The following RBBP5 variants were observed in gnomAD, a reference collection of about 807,000 sequenced individuals.
RBBP5 encodes retinoblastoma-binding protein 5.
A neutral mutation model predicts 72.2 loss-of-function variants in RBBP5; 5 were observed. The ratio of observed to expected loss-of-function variants is 0.07; its 90% CI spans 0.04 to 0.15. The LOEUF (loss-of-function observed/expected upper bound fraction) is 0.15, where lower values mean the gene tolerates loss of function less well. Ranked by LOEUF, RBBP5 falls within the 10% of genes least tolerant of loss-of-function variation. The probability of loss-of-function intolerance (pLI) is 1.00; values close to 1 mark genes in which losing one functional copy is unlikely to be tolerated. For synonymous variants in RBBP5, 209 were observed against 237.2 expected (o/e 0.88, Z 1.09); for missense variants, 322 against 652.2 (o/e 0.49, Z 5.51).
chr1:205,116,624 G>A (rs1656534190), intron 1 of RBBP5, among the ~76,000 whole-genome samples: 1 of 152,178 alleles, frequency 6.6e-6, no homozygotes, highest in African/African-American at 2.4e-5. Context: ...GACCGGCCTA[G>A]CCAAAATGGT....
chr1:205,104,846 G>C, intron 4 of RBBP5, among the ~76,000 whole-genome samples, 182 bp downstream of exon 4: 1 of 150,784 alleles, frequency 6.6e-6, no homozygotes, highest in East Asian at 1.9e-4. Context: ...TCAAAAAAAA[G>C]AAAGAAAGAA....
intron 12 of RBBP5, among the ~76,000 whole-genome samples, chr1:205,095,409 T>C (rs1229214225): frequency 1.3e-5 from 2 of 152,184 alleles, no homozygotes; most frequent in African/African-American, 4.8e-5. Context: ...CAGCTATCAT[T>C]ACTGTTAGTG....
chr1:205,115,484 A>G (rs1656483262), intron 2 of RBBP5, among the ~76,000 whole-genome samples: 1 of 152,226 alleles, frequency 6.6e-6, no homozygotes, highest in Non-Finnish European at 1.5e-5. Context: ...GTGTTATAAA[A>G]TAGTTTTACA....
chr1:205,121,738 C>T (rs1030126413), intron 1 of RBBP5, 117 bp downstream of exon 1: 1 of 1,510,770 alleles, frequency 6.6e-7, no homozygotes, highest in Non-Finnish European at 9.1e-7. Context: ...TCAGGTGTGC[C>T]CAGTGATCCA....
intron 6 of RBBP5, 79 bp from the exon 7 acceptor site, chr1:205,100,350 G>A (rs1655770968): frequency 2.0e-6 from 3 of 1,512,248 alleles, no homozygotes; most frequent in East Asian, 2.3e-5. Context: ...ATAAACTAGG[G>A]AAGAATTGAG....
In RBBP5 at chr1:205,088,132, GAGGAAAACAA is replaced by G. The variant is rs912733882; in HGVS notation, c.*645_*654del. ...AATATTGGAGGGAAACATGCAATGAGAGGAAAACAAGGGAAAACCCTGAATTGTTACAGCC... is the reference window on the plus strand; with the variant it reads ...AATATTGGAGGGAAACATGCAATGAGGGGAAAACCCTGAATTGTTACAGCC... On this transcript the variant is annotated 3_prime_UTR_variant, in exon 14 of 14. Coordinates refer to ENST00000264515, the MANE Select transcript of RBBP5 (RefSeq NM_005057.4). 1.3e-5 allele frequency: 2 copies of G among 152,252 alleles called. No individual in the cohort carries two copies. The highest frequency in any genetic ancestry group is 4.8e-5 in the African/African-American group (2 of 41,462). The allele number at this position is 152,252 out of a possible 1,614,324, so 9.4% of individuals were successfully genotyped here.
In RBBP5 at chr1:205,099,902, T is replaced by G; in HGVS notation, c.906+9A>C. On this transcript the variant is annotated intron_variant, in intron 8 of 13. Coordinates refer to ENST00000264515, the MANE Select transcript of RBBP5 (RefSeq NM_005057.4). The surrounding 1 kb of genome is among the most constrained non-coding windows in gnomAD (Gnocchi z 4.7). ...GTGACTAACAAAAGCAATGTCCTAA[T>G]GTACTCACAGCTACATCCAAGAGGA... 1 of 1,614,092 alleles carries G rather than the reference T, an allele frequency of 6.2e-7. No individual in the cohort carries two copies. The highest frequency in any genetic ancestry group is 2.2e-5 in the East Asian group (1 of 44,876).
chr1:205,090,815 G>A (rs1655315383), intron 13 of RBBP5, among the ~76,000 whole-genome samples: 1 of 151,582 alleles, frequency 6.6e-6, no homozygotes, highest in South Asian at 2.1e-4. Flanking sequence ...AGACTACCTT[G>A]ATTCTAGCAG....
chr1:205,112,611 A>G (rs115673089), intron 3 of RBBP5, among the ~76,000 whole-genome samples: 4 of 152,312 alleles, frequency 2.6e-5, no homozygotes, highest in Non-Finnish European at 5.9e-5. Context: ...ATGAATGAAT[A>G]TATAAGAAAA....
At chr1:205,116,400 T>A (rs918236044) in intron 1 of RBBP5, 2 of 288,022 alleles carry the variant, frequency 6.9e-6, no homozygotes, top group Non-Finnish European at 7.2e-6. Flanking sequence ...ACCCTCTACT[T>A]CTTAAAAGTA....
At chr1:205,096,360 A>C (rs1286485259) in intron 12 of RBBP5, among the ~76,000 whole-genome samples, 1 of 152,178 alleles carries the variant, frequency 6.6e-6, no homozygotes, top group African/African-American at 2.4e-5. Flanking sequence ...TGATTGTCCA[A>C]GTCTAACTAG....
chr1:205,102,055 C>G (rs1432413329), intron 5 of RBBP5, among the ~76,000 whole-genome samples: 2 of 152,118 alleles, frequency 1.3e-5, no homozygotes, highest in Non-Finnish European at 2.9e-5. Flanking sequence ...CGCCACGACG[C>G]CTGGCTAATT....
chr1:205,098,943 A>G, intron 10 of RBBP5, 46 bp downstream of exon 10: 3 of 1,252,344 alleles, frequency 2.4e-6, no homozygotes, highest in Non-Finnish European at 3.3e-6. Context: ...AAGTAAAGCA[A>G]TCATTTTCCC....
At chr1:205,119,503 A>G (rs575195034) in intron 1 of RBBP5, among the ~76,000 whole-genome samples, 1 of 152,330 alleles carries the variant, frequency 6.6e-6, no homozygotes, top group South Asian at 2.1e-4. Context: ...TCAAAGTACT[A>G]GCGTTATCAC....
Position 205,100,033 on chromosome 1 carries a change from C to G in RBBP5, c.784G>C (p.Asp262His). 6.2e-7 allele frequency: 1 copy of G among 1,614,044 alleles called. No individual in the cohort carries two copies. Among genetic ancestry groups the G allele is most frequent in the Non-Finnish European group, 8.5e-7 (1 of 1,179,954 alleles). ...GAACCTGCCACGATGTATTCCCCAT[C>G]CCCAGAGAAACAACATTTCTTCCAT... ...TPWKKCCFSG[D>H]GEYIVAGSAR... Residue 262 changes from aspartate to histidine, a missense_variant, in exon 8 of 14, where the codon GAT (aspartate) becomes CAT (histidine). Transcript: ENST00000264515.
chr1:205,109,926 C>CTCAGAT, intron 3 of RBBP5, among the ~76,000 whole-genome samples: 1 of 152,102 alleles, frequency 6.6e-6, no homozygotes, highest in South Asian at 2.1e-4. Context: ...CTCTCCTGGG[C>CTCAGAT]AGTCAATCCC....
At position 205,099,678 on chromosome 1, in the gene RBBP5, A is replaced by G; in HGVS notation, c.978+63T>C. The G allele has an allele frequency of 1.4e-6, 2 of 1,464,706 alleles. No homozygotes were observed. The highest frequency in any genetic ancestry group is 1.2e-5 in the South Asian group (1 of 83,102). The allele number at this position is 1,464,706 out of a possible 1,614,324, so 90.7% of individuals were successfully genotyped here. A position where few individuals can be genotyped will look rare whatever the true frequency, so the allele number is the denominator to read the frequency against. Reference sequence around the variant, plus strand: ...AAATGTAATTTTTAGCTTCCTATGTATAAGGTTCTTTGATAAAAAGAAGGG... The same window carrying G: ...AAATGTAATTTTTAGCTTCCTATGTGTAAGGTTCTTTGATAAAAAGAAGGG... On this transcript the variant is annotated intron_variant, in intron 9 of 13. Coordinates refer to ENST00000264515, the MANE Select transcript of RBBP5 (RefSeq NM_005057.4). The surrounding 1 kb of genome is among the most constrained non-coding windows in gnomAD (Gnocchi z 4.7).
chr1:205,114,793 A>G lies in RBBP5; in HGVS notation c.214T>C (p.Leu72=). 1 of 1,527,508 alleles carries G rather than the reference A, an allele frequency of 6.5e-7. No individual in the cohort carries two copies. The highest frequency in any genetic ancestry group is 1.3e-5 in the South Asian group (1 of 79,264). The allele number at this position is 1,527,508 out of a possible 1,614,324, so 94.6% of individuals were successfully genotyped here. A position where few individuals can be genotyped will look rare whatever the true frequency, so the allele number is the denominator to read the frequency against. The change falls in exon 3 of 14, where the codon TTA becomes CTA. Residue 72 remains leucine, a synonymous_variant. Transcript: ENST00000264515. ...ATTAATTAAAAAATGTCTTACCATA[A>G]AGAACACACTGGATGGATGTGTGCA... The part of the protein sequence containing the change: ...ISAHIHPVCS[L]CWSRDGHKLV...
rs2102346372 is a variant in RBBP5 at position 205,121,840 on chromosome 1, C to G, written c.19+15G>C. The G allele has an allele frequency of 6.2e-7, 1 of 1,612,426 alleles. No homozygotes were observed. The highest frequency in any genetic ancestry group is 2.2e-5 in the East Asian group (1 of 44,878). Reference sequence around the variant, plus strand: ...ACCCAACGCTTCTCTAAAACGCAGCCACAGCCCTTCTCACCCAGCAACTCG... The same window carrying G: ...ACCCAACGCTTCTCTAAAACGCAGCGACAGCCCTTCTCACCCAGCAACTCG... On this transcript the variant is annotated intron_variant, in intron 1 of 13. Transcript: ENST00000264515.
Sources: allele counts gnomAD v4.1 joint callset (sites outside exome capture counted in the v4.1 genomes callset), GRCh38; gene constraint gnomAD v4.1.1; non-coding constraint Gnocchi (gnomAD v3.1); transcripts MANE v1.5; gene names NCBI Gene and HGNC (gene_info 2026-07-23, HGNC 2026-07-21).